The following VDAC2 variants were observed in gnomAD, a reference collection of about 807,000 sequenced individuals.
VDAC2 encodes voltage dependent anion channel 2, also known as non-selective voltage-gated ion channel VDAC2.
A neutral mutation model predicts 36.6 loss-of-function variants in VDAC2; 6 were observed. The ratio of observed to expected loss-of-function variants is 0.16; its 90% CI spans 0.09 to 0.32. VDAC2 has a LOEUF of 0.32. Among genes scored for constraint, VDAC2 ranks in the 10% least tolerant of loss-of-function variants. The pLI, the probability that VDAC2 is intolerant of heterozygous loss-of-function variation, is 1.00. For synonymous variants in VDAC2, 109 were observed against 123.8 expected (o/e 0.88, Z 0.79); for missense variants, 247 against 346.0 (o/e 0.71, Z 2.27).
intron 6 of VDAC2, 42 bp from the exon 7 acceptor site, chr10:75,220,701 G>A (rs1268228862): frequency 3.2e-6 from 5 of 1,541,886 alleles, no homozygotes; most frequent in African/African-American, 2.7e-5. Context: ...GCAGAAGTGT[G>A]TGTAAATTTT....
chr10:75,214,131 G>T, intron 4 of VDAC2, 61 bp downstream of exon 4: 5 of 1,539,244 alleles, frequency 3.2e-6, no homozygotes, highest in East Asian at 4.5e-5. Flanking sequence ...TTGTAAAATG[G>T]TCATAACTGA....
chr10:75,219,584 A>G (rs1223947893), intron 6 of VDAC2, among the ~76,000 whole-genome samples: 3 of 152,054 alleles, frequency 2.0e-5, no homozygotes, highest in East Asian at 3.9e-4. Context: ...CCTGGGTTCA[A>G]GCGATTCTTC....
At chr10:75,210,465 T>C (rs1161532012), upstream of VDAC2, among the ~76,000 whole-genome samples, 3 of 152,158 alleles carry the variant, frequency 2.0e-5, no homozygotes, top group African/African-American at 7.2e-5. Context: ...CCGCGCCCTA[T>C]CGCCCCGGCC....
chr10:75,217,008 G>T (rs903351789), intron 4 of VDAC2, among the ~76,000 whole-genome samples: 1 of 152,050 alleles, frequency 6.6e-6, no homozygotes, highest in East Asian at 1.9e-4. Context: ...TAATCCCAGC[G>T]CTTTGGGAGG....
intron 2 of VDAC2, chr10:75,211,479 G>C: frequency 6.6e-7 from 1 of 1,522,946 alleles, no homozygotes; most frequent in Non-Finnish European, 8.8e-7. Context: ...TCTGCCTTTG[G>C]AGGATCGGAT....
intron 4 of VDAC2, 76 bp from the exon 5 acceptor site, chr10:75,218,979 GGTTTGTGT>G: frequency 7.3e-7 from 1 of 1,369,226 alleles, no homozygotes; most frequent in Non-Finnish European, 9.9e-7. Flanking sequence ...TGTTTCAGGG[GGTTTGTGT>G]GTGTGTGCGT....
chr10:75,223,450 A>G (rs1479510182), intron 8 of VDAC2, among the ~76,000 whole-genome samples: 1 of 152,206 alleles, frequency 6.6e-6, no homozygotes, highest in Non-Finnish European at 1.5e-5. Flanking sequence ...ATGGGAAGGC[A>G]GCTTGGGACC....
intron 8 of VDAC2, 102 bp from the exon 9 acceptor site, chr10:75,229,542 G>C (rs1195975102): frequency 1.1e-6 from 1 of 874,740 alleles, no homozygotes; most frequent in East Asian, 2.6e-5. Flanking sequence ...TGTCTCACGT[G>C]AATAAAACTG....
At chr10:75,219,800 ATATTTTATTTTATTGTATT>A (rs1440969419) in intron 6 of VDAC2, among the ~76,000 whole-genome samples, 3 of 128,402 alleles carry the variant, frequency 2.3e-5, no homozygotes, top group Admixed American at 8.4e-5. Context: ...TTTTTTTTCC[ATATTTTATTTTATTGTATT>A]TATTTTATTT....
intron 8 of VDAC2, among the ~76,000 whole-genome samples, chr10:75,226,173 T>C (rs1841946118): frequency 6.6e-6 from 1 of 152,190 alleles, no homozygotes; most frequent in South Asian, 2.1e-4. Context: ...CTCTTGTAGA[T>C]ATGTCTGTTA....
Position 75,220,961 on chromosome 10 carries a change from A to G in VDAC2, c.575A>G (p.His192Arg). The change falls in exon 7 of 10, where the codon CAC (histidine) becomes CGC (arginine). Residue 192 changes from histidine to arginine, a missense_variant. By Grantham distance (29) the His-to-Arg change is conservative. Around this residue, in one of 3 missense-constraint regions of VDAC2, gnomAD observed 159 missense variants for 234.0 expected, o/e 0.68. Transcript: ENST00000332211. ...TACAGGACTGGGGACTTCCAGCTAC[A>G]CACTAATGTGTAAGTATTTCTTTCA... ...VGYRTGDFQL[H>R]TNVNDGTEFG... The G allele has an allele frequency of 3.7e-6, 6 of 1,612,580 alleles. No homozygotes were observed. The highest frequency in any genetic ancestry group is 4.2e-6 in the Non-Finnish European group (5 of 1,178,962).
intron 8 of VDAC2, among the ~76,000 whole-genome samples, chr10:75,223,825 G>T (rs529224129): frequency 6.6e-6 from 1 of 152,176 alleles, no homozygotes; most frequent in African/African-American, 2.4e-5. Flanking sequence ...GGTTTAATCA[G>T]TCATGCCTGT....
chr10:75,223,731 G>C (rs1391161867), intron 8 of VDAC2, among the ~76,000 whole-genome samples: 2 of 152,218 alleles, frequency 1.3e-5, no homozygotes, highest in African/African-American at 4.8e-5. Context: ...CTTCGGGCTG[G>C]AGGCTAGTCA....
At chr10:75,218,751 ACT>A (rs538741084) in intron 4 of VDAC2, among the ~76,000 whole-genome samples, 66 of 150,480 alleles carry the variant, frequency 4.4e-4, no homozygotes, top group African/African-American at 1.5e-3. Context: ...ATAGAGCGGG[ACT>A]CTGTCTCAAA....
At chr10:75,225,566 G>T (rs879682911) in intron 8 of VDAC2, among the ~76,000 whole-genome samples, 3 of 152,196 alleles carry the variant, frequency 2.0e-5, no homozygotes, top group Non-Finnish European at 2.9e-5. Flanking sequence ...GATAATGGGT[G>T]AGGGTCACAT....
At chr10:75,221,410 C>G (rs1018812056) in intron 7 of VDAC2, among the ~76,000 whole-genome samples, 8 of 151,814 alleles carry the variant, frequency 5.3e-5, no homozygotes, top group African/African-American at 1.7e-4. Flanking sequence ...TCGGCTCACT[C>G]CAACATCCGC....
chr10:75,213,744 A>AAAATAAAT (rs375298465), intron 3 of VDAC2, among the ~76,000 whole-genome samples: 4 of 151,676 alleles, frequency 2.6e-5, no homozygotes, highest in African/African-American at 7.3e-5. Flanking sequence ...ACTCCGTCTC[A>AAAATAAAT]AAATAAATAA....
chr10:75,211,930 G>A (rs1841436364), intron 2 of VDAC2, among the ~76,000 whole-genome samples: 1 of 152,168 alleles, frequency 6.6e-6, no homozygotes, highest in African/African-American at 2.4e-5. Context: ...ACAAATACTT[G>A]TTTGATTCTT....
At chr10:75,227,136 A>G (rs1346254918) in intron 8 of VDAC2, among the ~76,000 whole-genome samples, 3 of 152,224 alleles carry the variant, frequency 2.0e-5, no homozygotes, top group Non-Finnish European at 4.4e-5. Context: ...GAAAAGATAT[A>G]TAAGTATCTT....
Sources: allele counts gnomAD v4.1 joint callset (sites outside exome capture counted in the v4.1 genomes callset), GRCh38; gene constraint gnomAD v4.1.1; regional missense constraint gnomAD v4.1.1; transcripts MANE v1.5; gene names NCBI Gene and HGNC (gene_info 2026-07-23, HGNC 2026-07-21).